Variants in PDE4D observed in about 807,000 individuals in gnomAD.
PDE4D encodes the protein phosphodiesterase 4D.
In PDE4D, 24 loss-of-function variants were observed where a neutral mutation model predicts 87.4. That is an observed-to-expected ratio of 0.27 (90% CI 0.20 to 0.39). The LOEUF is 0.39. PDE4D is among the 10% of genes least tolerant of loss of function. The pLI is 1.00. For missense variants in PDE4D, 714 were observed against 1,041.0 expected (o/e 0.69, Z 4.32); for synonymous variants, 384 against 383.2 (o/e 1.00, Z -0.02).
intron 1 of PDE4D, among the ~76,000 whole-genome samples, chr5:60,457,452 T>C (rs1299059194): frequency 6.6e-6 from 1 of 152,176 alleles, no homozygotes; most frequent in Non-Finnish European, 1.5e-5. Context: ...CCTTAGAAGT[T>C]AGGCCTTTTG....
At chr5:60,460,731 G>T (rs1746863661) in intron 1 of PDE4D, 2 of 731,920 alleles carry the variant, frequency 2.7e-6, no homozygotes, top group Non-Finnish European at 2.3e-6. Context: ...ACTGGCATTT[G>T]GGGGCCATGC....
rs998195273 is a variant in PDE4D, at chr5:59,860,516, A to G, written c.455+32652T>C. ...ACTATTGTAATAATTTAGTGACAAC[A>G]TTTGTGCTAATTGCTGAGCAGAATA... is the stretch of plus-strand genomic sequence containing the variant. On this transcript the variant is annotated intron_variant, in intron 1 of 14. Coordinates refer to ENST00000340635, the MANE Select transcript of PDE4D (RefSeq NM_001104631.2). 4.6e-5 allele frequency among the ~76,000 whole-genome samples: 7 copies of G among 152,198 alleles called. No individual in the cohort carries two copies. In the South Asian group the frequency reaches 1.4e-3, roughly 31 times the overall value.
intron 1 of PDE4D, among the ~76,000 whole-genome samples, chr5:59,837,816 T>C (rs1286480364): frequency 2.0e-5 from 3 of 152,074 alleles, no homozygotes; most frequent in Non-Finnish European, 4.4e-5. Context: ...TCCTTAAAGA[T>C]GAAAGTTCAC....
intron 1 of PDE4D, among the ~76,000 whole-genome samples, chr5:59,837,077 G>A (rs1015251877): frequency 1.3e-5 from 2 of 151,678 alleles, no homozygotes; most frequent in African/African-American, 4.8e-5. Context: ...AACCTTTATC[G>A]TTTACAGTTC....
At chr5:59,279,048 T>C (rs1398373771) in intron 1 of PDE4D, among the ~76,000 whole-genome samples, 1 of 152,146 alleles carries the variant, frequency 6.6e-6, no homozygotes, top group African/African-American at 2.4e-5. Flanking sequence ...TTCTCAAGTA[T>C]TACTATTTTC....
chr5:59,900,764 T>C (rs1447152738), intron 3 of PDE4D, among the ~76,000 whole-genome samples: 1 of 152,186 alleles, frequency 6.6e-6, no homozygotes, highest in Non-Finnish European at 1.5e-5. Flanking sequence ...AATGAATCAA[T>C]ATGCCTTGAA....
intron 2 of PDE4D, among the ~76,000 whole-genome samples, chr5:60,125,675 T>C (rs1244727599): frequency 3.9e-5 from 6 of 152,210 alleles, no homozygotes; most frequent in Non-Finnish European, 8.8e-5. Flanking sequence ...TCTTTCAGAA[T>C]GTAAGCTCTG....
At chr5:60,251,865 C>G (rs1329449254) in intron 1 of PDE4D, among the ~76,000 whole-genome samples, 1 of 151,910 alleles carries the variant, frequency 6.6e-6, no homozygotes, top group Non-Finnish European at 1.5e-5. Flanking sequence ...ATTCACCACT[C>G]ACTCACTCAG....
intron 1 of PDE4D, among the ~76,000 whole-genome samples, chr5:59,829,772 G>A (rs992398480): frequency 6.6e-6 from 1 of 151,916 alleles, no homozygotes; most frequent in Non-Finnish European, 1.5e-5. Context: ...GTCTATTTAA[G>A]TAGGTTTTTA....
At chr5:60,191,485 G>A (rs1240374052) in intron 1 of PDE4D, among the ~76,000 whole-genome samples, 2 of 152,090 alleles carry the variant, frequency 1.3e-5, no homozygotes. Flanking sequence ...GCCTCCTTGT[G>A]AAGAAGGTGT....
intron 2 of PDE4D, among the ~76,000 whole-genome samples, chr5:60,077,206 G>C (rs1289003624): frequency 6.6e-6 from 1 of 152,226 alleles, no homozygotes; most frequent in Non-Finnish European, 1.5e-5. Context: ...GTGGTTTAGT[G>C]GGGTGTTGGC....
intron 1 of PDE4D, among the ~76,000 whole-genome samples, chr5:59,653,207 A>ATTTTTT (rs1561410700): frequency 1.6e-4 from 10 of 64,374 alleles, no homozygotes; most frequent in African/African-American, 4.6e-4. Flanking sequence ...CAAAAAAAAA[A>ATTTTTT]ATTTTTTTTT....
At chr5:60,342,473 T>C (rs1159122036) in intron 1 of PDE4D, among the ~76,000 whole-genome samples, 1 of 152,128 alleles carries the variant, frequency 6.6e-6, no homozygotes, top group Admixed American at 6.6e-5. Flanking sequence ...TGTTACAAGT[T>C]CCTATATCAC....
chr5:59,263,216 G>A (rs17528473), intron 1 of PDE4D, among the ~76,000 whole-genome samples: 12,303 of 152,086 alleles, frequency 0.081, 631 homozygotes, highest in Non-Finnish European at 0.12. Flanking sequence ...AAGGACAGAT[G>A]TTGAATGCCC....
chr5:59,543,726 C>G lies in PDE4D; in HGVS notation c.456-327758G>C, dbSNP rs993872081. ...ATCCGTCTGGATGGAAGAGCGCCCA[C>G]CCCTACACGCCAGAACTTTTCCTTA... On this transcript the variant is annotated intron_variant, in intron 1 of 14. Transcript: ENST00000340635. Among the ~76,000 whole-genome samples, 4 of 151,888 alleles carry G rather than the reference C, an allele frequency of 2.6e-5. No homozygotes were observed. In the East Asian group the frequency reaches 5.8e-4, roughly 22 times the overall value.
At chr5:60,466,371 T>C (rs1225987425) in intron 1 of PDE4D, among the ~76,000 whole-genome samples, 2 of 152,214 alleles carry the variant, frequency 1.3e-5, no homozygotes, top group East Asian at 3.8e-4. Context: ...AATTACTTGA[T>C]ATCACAATTG....
chr5:59,303,041 C>A (rs7719441), intron 1 of PDE4D, among the ~76,000 whole-genome samples: 7,932 of 152,190 alleles, frequency 0.052, 302 homozygotes, highest in Admixed American at 0.1. Context: ...TCCATGCCAA[C>A]ATCTACTGTT....
chr5:59,788,505 G>A (rs1188766796), intron 1 of PDE4D, among the ~76,000 whole-genome samples: 2 of 152,192 alleles, frequency 1.3e-5, no homozygotes, highest in Non-Finnish European at 2.9e-5. Context: ...ACAGTATCAG[G>A]AACAAAGTGA....
At chr5:59,048,375 C>A (rs957060341) in intron 5 of PDE4D, among the ~76,000 whole-genome samples, 2 of 152,166 alleles carry the variant, frequency 1.3e-5, no homozygotes, top group African/African-American at 4.8e-5. Flanking sequence ...GTCTTTTGTT[C>A]TTCACCTTTG....
Sources: allele counts gnomAD v4.1 joint callset (sites outside exome capture counted in the v4.1 genomes callset), GRCh38; gene constraint gnomAD v4.1.1; transcripts MANE v1.5; gene names NCBI Gene and HGNC (gene_info 2026-07-23, HGNC 2026-07-21).